The following FHOD3 variants were observed in gnomAD, a reference collection of about 807,000 sequenced individuals.
The protein encoded by FHOD3 is FH1/FH2 domain-containing protein 3.
In FHOD3, 90 loss-of-function variants were observed where a neutral mutation model predicts 173.0. That is an observed-to-expected ratio of 0.52 (90% CI 0.44 to 0.62). The LOEUF is 0.62. FHOD3 is among the 20% of genes least tolerant of loss of function. The pLI is 0.00. For missense variants in FHOD3, 1,945 were observed against 2,034.7 expected (o/e 0.96, Z 0.85); for synonymous variants, 828 against 823.0 (o/e 1.01, Z -0.10).
chr18:36,438,961 G>A (rs2050970528), intron 3 of FHOD3, among the ~76,000 whole-genome samples: 1 of 152,218 alleles, frequency 6.6e-6, no homozygotes, highest in Non-Finnish European at 1.5e-5. Context: ...ACCCAAAGTT[G>A]TGCTGAACAC....
intron 6 of FHOD3, among the ~76,000 whole-genome samples, chr18:36,578,161 G>A (rs750453950): frequency 1.3e-4 from 20 of 152,236 alleles, no homozygotes; most frequent in East Asian, 3.9e-4. Context: ...TTCTCACACC[G>A]CTAATAAAGA....
chr18:36,429,735 G>T (rs989830799), intron 3 of FHOD3, among the ~76,000 whole-genome samples: 1 of 152,202 alleles, frequency 6.6e-6, no homozygotes, highest in Non-Finnish European at 1.5e-5. Context: ...ATGAAGCTGT[G>T]TGAAGACATG....
At chr18:36,655,202 C>G (rs1410671264) in intron 13 of FHOD3, among the ~76,000 whole-genome samples, 1 of 152,018 alleles carries the variant, frequency 6.6e-6, no homozygotes, top group Non-Finnish European at 1.5e-5. Flanking sequence ...GGAATGAATC[C>G]AACATGACTC....
Position 36,466,145 on chromosome 18 carries a change from A to G in FHOD3, c.338-35787A>G, listed in dbSNP as rs181785020. ...GAGAGCTGCCCATACCCCAGGGTGAATGACTTCAGTCCATGTTATCCCAGA... is the reference window on the plus strand; with the variant it reads ...GAGAGCTGCCCATACCCCAGGGTGAGTGACTTCAGTCCATGTTATCCCAGA... On this transcript the variant is annotated intron_variant, in intron 3 of 28. Transcript: ENST00000590592. Among the ~76,000 whole-genome samples the G allele has an allele frequency of 9.6e-4, 146 of 152,298 alleles. 2 individuals are homozygous for G. The highest frequency in any genetic ancestry group is 4.9e-4 in the Non-Finnish European group (33 of 68,024).
chr18:36,716,906 A>ATATGTG (rs958336479), intron 18 of FHOD3, among the ~76,000 whole-genome samples: 1 of 144,034 alleles, frequency 6.9e-6, no homozygotes, highest in African/African-American at 2.8e-5. Context: ...GGGAAATTAT[A>ATATGTG]TATGTGTATG....
intron 1 of FHOD3, among the ~76,000 whole-genome samples, chr18:36,324,061 C>A (rs1222639755): frequency 1.3e-5 from 2 of 152,194 alleles, no homozygotes; most frequent in Admixed American, 6.5e-5. Flanking sequence ...AGTAGTCCCA[C>A]AAGGATAGAC....
intron 4 of FHOD3, among the ~76,000 whole-genome samples, chr18:36,511,430 A>G (rs1026503326): frequency 2.6e-5 from 4 of 151,040 alleles, no homozygotes; most frequent in Non-Finnish European, 5.9e-5. Flanking sequence ...AAAAGCTACC[A>G]TTAAATCAGT....
chr18:36,575,676 C>T (rs1439975364), intron 5 of FHOD3, among the ~76,000 whole-genome samples: 2 of 152,124 alleles, frequency 1.3e-5, no homozygotes, highest in Non-Finnish European at 2.9e-5. Flanking sequence ...CTGGTGGAGT[C>T]CTCCTTCCTT....
At chr18:36,666,651 G>C (rs1405535701) in intron 14 of FHOD3, among the ~76,000 whole-genome samples, 1 of 152,136 alleles carries the variant, frequency 6.6e-6, no homozygotes, top group Non-Finnish European at 1.5e-5. Flanking sequence ...CTTAGTTTTT[G>C]CTTTTGTTAA....
rs966202659 is a variant in FHOD3 at position 36,576,412 on chromosome 18, T to C, written c.512-39T>C. 3 of 1,426,390 alleles carry C rather than the reference T, an allele frequency of 2.1e-6. No homozygotes were observed. In the African/African-American group the frequency reaches 4.3e-5, roughly 20 times the overall value. The allele number at this position is 1,426,390 out of a possible 1,614,324, so 88.4% of individuals were successfully genotyped here. ...GATCACTGAAGATTATATTTCTATA[T>C]ACATCTATAATGTCTCCTTTTTCTC... On this transcript the variant is annotated intron_variant, in intron 5 of 28. Transcript: ENST00000590592.
At chr18:36,688,954 C>T (rs1479830882) in intron 16 of FHOD3, among the ~76,000 whole-genome samples, 2 of 152,216 alleles carry the variant, frequency 1.3e-5, no homozygotes, top group Admixed American at 1.3e-4. Flanking sequence ...ATAGTCTTTG[C>T]TCCCAGGCTG....
In FHOD3 at chr18:36,653,400, T is replaced by C. The variant is rs2036199355; in HGVS notation, c.1705T>C (p.Ser569Pro). Residue 569 changes from serine (S) to proline (P), a missense_variant, in exon 13 of 29, where the codon TCT (serine) becomes CCT (proline). Physicochemically the swap from Ser to Pro is moderately conservative, Grantham distance 74. Transcript: ENST00000590592. ...YSASEPYHFR[S>P]FSSNRYSNFG... Reference sequence around the variant, plus strand: ...TGCCTCTGAGCCTTACCACTTCCGATCTTTCTCTTCTAATAGGTGGGTGTC... The same window carrying C: ...TGCCTCTGAGCCTTACCACTTCCGACCTTTCTCTTCTAATAGGTGGGTGTC... 1 of 1,532,990 alleles carries C rather than the reference T, an allele frequency of 6.5e-7. No homozygotes were observed. The highest frequency in any genetic ancestry group is 1.4e-5 in the African/African-American group (1 of 72,988). 95.0% of individuals were successfully genotyped at this position (1,532,990 alleles called of 1,614,324 possible).
chr18:36,444,935 A>G (rs562898723), intron 3 of FHOD3, among the ~76,000 whole-genome samples: 1 of 152,294 alleles, frequency 6.6e-6, no homozygotes, highest in Non-Finnish European at 1.5e-5. Flanking sequence ...ACGTTGTTGG[A>G]GGTATATTGT....
At chr18:36,597,551 C>T (rs1159358296) in intron 7 of FHOD3, among the ~76,000 whole-genome samples, 3 of 152,158 alleles carry the variant, frequency 2.0e-5, no homozygotes, top group South Asian at 2.1e-4. Context: ...CTCAGCCTCC[C>T]GAGTAGTTGG....
chr18:36,740,971 A>G, intron 21 of FHOD3, 133 bp downstream of exon 21: 1 of 849,934 alleles, frequency 1.2e-6, no homozygotes, highest in Non-Finnish European at 1.7e-6. Flanking sequence ...GACAATGAGG[A>G]GGTCGTGTGT....
chr18:36,620,210 A>G (rs1205797990), intron 9 of FHOD3, among the ~76,000 whole-genome samples: 1 of 152,168 alleles, frequency 6.6e-6, no homozygotes, highest in Admixed American at 6.5e-5. Flanking sequence ...CACCATTCCC[A>G]AGATGTGTCT....
intron 9 of FHOD3, among the ~76,000 whole-genome samples, chr18:36,618,310 G>GTTTTTTTTTTTTTTTT (rs1465774220): frequency 1.2e-5 from 1 of 85,226 alleles, no homozygotes; most frequent in Non-Finnish European, 2.3e-5. Flanking sequence ...GTTTTTTGGT[G>GTTTTTTTTTTTTTTTT]GTTTTTTTTT....
At position 36,501,969 on chromosome 18, in the gene FHOD3, G is replaced by A. The variant is rs1384340250; in HGVS notation, c.375G>A (p.Arg125=). ...ACTCCAGCGGACGAGATTTGAGAAG[G>A]GCCCTCTTCTCCCTGAAGCAGATAT... ...LYNSSGRDLR[R]ALFSLKQIFQ... Residue 125 remains arginine, a synonymous_variant, in exon 4 of 29, where the codon AGG becomes AGA. Coordinates refer to ENST00000590592, the MANE Select transcript of FHOD3 (RefSeq NM_001281740.3). 1.9e-6 allele frequency: 3 copies of A among 1,606,096 alleles called. No individual in the cohort carries two copies. The Admixed American group carries it at 5.0e-5, about 27-fold the overall frequency.
intron 5 of FHOD3, among the ~76,000 whole-genome samples, chr18:36,567,838 C>G (rs958162421): frequency 2.6e-5 from 4 of 152,074 alleles, no homozygotes; most frequent in Non-Finnish European, 5.9e-5. Context: ...CCCAGGTAAT[C>G]CCATGGTGAG....
Sources: allele counts gnomAD v4.1 joint callset (sites outside exome capture counted in the v4.1 genomes callset), GRCh38; gene constraint gnomAD v4.1.1; transcripts MANE v1.5; gene names NCBI Gene and HGNC (gene_info 2026-07-23, HGNC 2026-07-21).